LEPR: variants seen among roughly 807,000 people sequenced by gnomAD.
LEPR encodes OB receptor.
Under a neutral mutation model 114.7 loss-of-function variants are expected in LEPR, and 56 were observed. The ratio of observed to expected loss-of-function variants is 0.49; its 90% CI spans 0.39 to 0.61. The LOEUF (loss-of-function observed/expected upper bound fraction) is 0.61. Ranked by LOEUF, LEPR falls within the 20% of genes least tolerant of loss-of-function variation. The probability of loss-of-function intolerance (pLI) is 0.00; values close to 1 mark genes in which losing one functional copy is unlikely to be tolerated. For synonymous variants in LEPR, 443 were observed against 461.4 expected (o/e 0.96, Z 0.51); for missense variants, 1,202 against 1,352.9 (o/e 0.89, Z 1.75).
Position 65,527,083 on chromosome 1 carries a change from A to G in LEPR, c.-20-38463A>G, listed in dbSNP as rs1157703585. Reference sequence around the variant, plus strand: ...TGCAACAAAAATACATGGCTTTAGCATAGCACGTATTCTCTTTAAGTATTG... The same window carrying G: ...TGCAACAAAAATACATGGCTTTAGCGTAGCACGTATTCTCTTTAAGTATTG... On this transcript the variant is annotated intron_variant, in intron 2 of 19. Transcript: ENST00000349533. Among the ~76,000 whole-genome samples the G allele has an allele frequency of 3.9e-5, 6 of 152,368 alleles. No individual in the cohort carries two copies. In the South Asian group the frequency reaches 1.0e-3, roughly 26 times the overall value.
chr1:65,429,415 A>G (rs1352310504), intron 2 of LEPR, among the ~76,000 whole-genome samples: 2 of 152,246 alleles, frequency 1.3e-5, no homozygotes, highest in African/African-American at 4.8e-5. Flanking sequence ...ATACCAGACC[A>G]TAAAGGCTTT....
chr1:65,513,549 G>T (rs1250087772), intron 2 of LEPR, among the ~76,000 whole-genome samples: 1 of 152,126 alleles, frequency 6.6e-6, no homozygotes, highest in Non-Finnish European at 1.5e-5. Flanking sequence ...ATGAGAGTTG[G>T]CATATAGGTC....
At chr1:65,609,727 T>C (rs1395263982) in intron 12 of LEPR, among the ~76,000 whole-genome samples, 1 of 152,212 alleles carries the variant, frequency 6.6e-6, no homozygotes, top group Non-Finnish European at 1.5e-5. Context: ...CAAAATCTTG[T>C]CATCATCAGC....
chr1:65,491,493 T>C (rs1403919824), intron 2 of LEPR, among the ~76,000 whole-genome samples: 3 of 152,110 alleles, frequency 2.0e-5, no homozygotes, highest in African/African-American at 2.4e-5. Flanking sequence ...TAGCCAAATA[T>C]CATTCTTTAC....
chr1:65,534,831 T>A (rs1650645774), intron 2 of LEPR, among the ~76,000 whole-genome samples: 1 of 152,214 alleles, frequency 6.6e-6, no homozygotes, highest in African/African-American at 2.4e-5. Flanking sequence ...TATAATGGTA[T>A]TATAATAGGC....
chr1:65,560,531 G>A (rs1288221244), intron 2 of LEPR, among the ~76,000 whole-genome samples: 1 of 66,772 alleles, frequency 1.5e-5, no homozygotes, highest in African/African-American at 6.7e-5. Flanking sequence ...TTCCTAATTG[G>A]ATACCCTTTA....
At position 65,633,508 on chromosome 1, in the gene LEPR, T is replaced by C. The variant is rs1444249160; in HGVS notation, c.2674-2683T>C. On this transcript the variant is annotated intron_variant, in intron 19 of 19. Transcript: ENST00000349533. The surrounding 1 kb of genome is among the most constrained non-coding windows in gnomAD (Gnocchi z 4.1). ...TTATGGCTGTTGCTGTCATTACATA[T>C]CTATTAAATGTCATCAAATATGTAG... The C allele has an allele frequency of 4.5e-6, 5 of 1,117,754 alleles. No individual in the cohort carries two copies. Among genetic ancestry groups the C allele is most frequent in the Non-Finnish European group, 5.5e-6 (5 of 912,782 alleles). The allele number at this position is 1,117,754 out of a possible 1,614,324, so 69.2% of individuals were successfully genotyped here.
chr1:65,421,653 C>T (rs896988121), intron 1 of LEPR, among the ~76,000 whole-genome samples: 3 of 152,212 alleles, frequency 2.0e-5, no homozygotes, highest in African/African-American at 7.2e-5. Context: ...CTGTTAGCAG[C>T]AGACATTTTA....
At chr1:65,431,269 A>T (rs1646479497) in intron 2 of LEPR, among the ~76,000 whole-genome samples, 1 of 152,220 alleles carries the variant, frequency 6.6e-6, no homozygotes, top group Non-Finnish European at 1.5e-5. Flanking sequence ...TCTCTTGCTT[A>T]AAGTAAAACA....
chr1:65,543,999 A>G (rs1446510717), intron 2 of LEPR, among the ~76,000 whole-genome samples: 1 of 151,952 alleles, frequency 6.6e-6, no homozygotes, highest in Admixed American at 6.6e-5. Flanking sequence ...AAAATTCTTT[A>G]AAGAAAGTCA....
At chr1:65,592,135 G>A (rs1026453252) in intron 5 of LEPR, among the ~76,000 whole-genome samples, 7 of 151,456 alleles carry the variant, frequency 4.6e-5, no homozygotes, top group African/African-American at 7.3e-5. Flanking sequence ...TTTTACCTAC[G>A]TTGTAAACTC....
At chr1:65,425,223 C>T (rs1646336752) in intron 1 of LEPR, 80 bp from the exon 2 acceptor site, 2 of 1,192,200 alleles carry the variant, frequency 1.7e-6, no homozygotes, top group South Asian at 1.3e-5. Context: ...TATTAGAAGT[C>T]ACTCCCCATT....
intron 2 of LEPR, among the ~76,000 whole-genome samples, chr1:65,440,299 A>G (rs891699564): frequency 6.6e-6 from 1 of 151,654 alleles, no homozygotes; most frequent in African/African-American, 2.4e-5. Flanking sequence ...ATATTATTCT[A>G]GGTGCTGGAG....
chr1:65,495,519 A>G (rs1207464958), intron 2 of LEPR, among the ~76,000 whole-genome samples: 1 of 152,132 alleles, frequency 6.6e-6, no homozygotes, highest in East Asian at 1.9e-4. Context: ...AACTGGAACT[A>G]TCATATGATC....
intron 2 of LEPR, among the ~76,000 whole-genome samples, chr1:65,460,483 G>T (rs1034371893): frequency 1.3e-5 from 2 of 152,076 alleles, no homozygotes; most frequent in African/African-American, 4.8e-5. Flanking sequence ...TGTGTGCATA[G>T]ATACAGATCC....
intron 2 of LEPR, among the ~76,000 whole-genome samples, chr1:65,488,163 T>TTC (rs1557619884): frequency 0.018 from 526 of 28,814 alleles, 5 homozygotes; most frequent in African/African-American, 0.044. Flanking sequence ...TTCCTTCCTT[T>TTC]CTTTCTTTCT....
chr1:65,459,123 A>T (rs2100364982), intron 2 of LEPR, among the ~76,000 whole-genome samples: 1 of 152,136 alleles, frequency 6.6e-6, no homozygotes, highest in East Asian at 1.9e-4. Context: ...GTGTAGAAAG[A>T]TTTTTTTTGT....
chr1:65,506,690 A>G (rs549321187), intron 2 of LEPR, among the ~76,000 whole-genome samples: 1 of 152,176 alleles, frequency 6.6e-6, no homozygotes, highest in Non-Finnish European at 1.5e-5. Flanking sequence ...TTATAAATTT[A>G]TGGGGGTACA....
At chr1:65,491,752 T>C (rs1374482722) in intron 2 of LEPR, among the ~76,000 whole-genome samples, 2 of 152,158 alleles carry the variant, frequency 1.3e-5, no homozygotes, top group East Asian at 3.8e-4. Flanking sequence ...CATTGTGAGC[T>C]GGGAACATTG....
Sources: gnomAD v4.1 joint callset for allele counts (sites outside exome capture counted in the v4.1 genomes callset) on GRCh38, gnomAD v4.1.1 for gene constraint, Gnocchi (gnomAD v3.1) non-coding constraint, MANE v1.5 for transcripts, NCBI Gene and HGNC (gene_info 2026-07-23, HGNC 2026-07-21) for gene names.